Variants in NCAPD2 observed in about 807,000 individuals in gnomAD.
NCAPD2 encodes the protein condensin complex subunit 1.
A neutral mutation model predicts 164.5 loss-of-function variants in NCAPD2; 100 were observed. The observed-to-expected ratio is 0.61, with a 90% CI of 0.52 to 0.72. The LOEUF (loss-of-function observed/expected upper bound fraction) is 0.72, where lower values mean the gene tolerates loss of function less well. Ranked by LOEUF, NCAPD2 falls within the 30% of genes least tolerant of loss-of-function variation. The pLI is 0.00. For synonymous variants in NCAPD2, 585 were observed against 642.6 expected (o/e 0.91, Z 1.36); for missense variants, 1,560 against 1,749.2 (o/e 0.89, Z 1.93).
At position 6,521,120 on chromosome 12, in the gene NCAPD2, T is replaced by C; in HGVS notation, c.1714+10T>C. On this transcript the variant is annotated intron_variant, in intron 14 of 31. Transcript: ENST00000315579. ...GGACTTATCTTCAAAGGTAATCATT[T>C]TCCTTCTTCAGTCAATAAATAACAC... 1 of 1,613,106 alleles carries C rather than the reference T, an allele frequency of 6.2e-7. No homozygotes were observed. The highest frequency in any genetic ancestry group is 1.7e-4 in the Middle Eastern group (1 of 6,040).
intron 2 of NCAPD2, among the ~76,000 whole-genome samples, chr12:6,495,663 C>T (rs1945973353): frequency 6.6e-6 from 1 of 152,178 alleles, no homozygotes; most frequent in African/African-American, 2.4e-5. Context: ...ACCACTGCAA[C>T]ACTGAGCAAT....
intron 5 of NCAPD2, 40 bp downstream of exon 5, chr12:6,510,850 G>A: frequency 1.3e-6 from 2 of 1,587,648 alleles, no homozygotes; most frequent in Non-Finnish European, 1.7e-6. Context: ...TGGGGTCTGG[G>A]GAGATAGGGG....
intron 2 of NCAPD2, among the ~76,000 whole-genome samples, chr12:6,502,212 C>CA (rs778323846): frequency 0.013 from 1,912 of 143,304 alleles, 16 homozygotes; most frequent in South Asian, 0.021. Context: ...TCCACAGTAG[C>CA]AAAAAAAAAA....
chr12:6,531,736 G>A lies in NCAPD2; in HGVS notation c.*324G>A, dbSNP rs1428566546. 2 of 352,718 alleles carry A rather than the reference G, an allele frequency of 5.7e-6. No homozygotes were observed. The highest frequency in any genetic ancestry group is 1.1e-5 in the Non-Finnish European group (2 of 186,614). The allele number at this position is 352,718 out of a possible 1,614,324, so 21.8% of individuals were successfully genotyped here. A position where few individuals can be genotyped will look rare whatever the true frequency, so the allele number is the denominator to read the frequency against. On this transcript the variant is annotated 3_prime_UTR_variant, in exon 32 of 32. Coordinates refer to ENST00000315579, the MANE Select transcript of NCAPD2 (RefSeq NM_014865.4). The surrounding 1 kb of genome is among the most constrained non-coding windows in gnomAD (Gnocchi z 4.1). ...AGGAGAATCGCCTGAACCCAGAGGC[G>A]GAGGTTGTAGTGAGCCGAAATCACA...
chr12:6,494,832 C>G (rs1011886128), intron 1 of NCAPD2, among the ~76,000 whole-genome samples: 1 of 152,222 alleles, frequency 6.6e-6, no homozygotes, highest in African/African-American at 2.4e-5. Context: ...GCCAAAGTCA[C>G]TACTAGAATT....
intron 2 of NCAPD2, among the ~76,000 whole-genome samples, chr12:6,508,798 C>A (rs1346801088): frequency 1.3e-5 from 2 of 152,184 alleles, no homozygotes; most frequent in Non-Finnish European, 2.9e-5. Flanking sequence ...AAGTTAACAT[C>A]AGCAGTAATA....
intron 6 of NCAPD2, among the ~76,000 whole-genome samples, chr12:6,513,314 G>A (rs1044213417): frequency 1.4e-4 from 22 of 152,332 alleles, no homozygotes; most frequent in African/African-American, 5.3e-4. Context: ...GCTGAGGCAG[G>A]AGGATCACTT....
intron 2 of NCAPD2, among the ~76,000 whole-genome samples, chr12:6,509,348 A>G (rs913594931): frequency 5.9e-5 from 9 of 152,052 alleles, no homozygotes; most frequent in Non-Finnish European, 2.9e-5. Flanking sequence ...TGCAACCTCC[A>G]CCTCTTGGGT....
chr12:6,519,626 C>T (rs901480816), intron 13 of NCAPD2, among the ~76,000 whole-genome samples: 3 of 152,002 alleles, frequency 2.0e-5, no homozygotes, highest in Admixed American at 1.3e-4. Flanking sequence ...TTTTTTTCCC[C>T]CTTTTATATG....
chr12:6,517,108 T>G (rs913286142), intron 10 of NCAPD2, 83 bp downstream of exon 10: 4 of 1,491,240 alleles, frequency 2.7e-6, no homozygotes, highest in Non-Finnish European at 3.7e-6. Context: ...AAGATAAATA[T>G]CTGCCCCAAA....
intron 5 of NCAPD2, 27 bp from the exon 6 acceptor site, chr12:6,511,083 C>T: frequency 1.2e-6 from 2 of 1,604,632 alleles, no homozygotes; most frequent in East Asian, 2.2e-5. Flanking sequence ...CTTATTTTTT[C>T]CTCAATGTAT....
At position 6,525,680 on chromosome 12, in the gene NCAPD2, G is replaced by A. The variant is rs1310900245; in HGVS notation, c.2312G>A (p.Arg771His). The A allele has an allele frequency of 8.7e-6, 14 of 1,613,720 alleles. No individual in the cohort carries two copies. The highest frequency in any genetic ancestry group is 2.7e-5 in the African/African-American group (2 of 74,990). The change falls in exon 18 of 32, where the codon CGC becomes CAC. Residue 771 changes from arginine (R) to histidine (H), a missense_variant. Transcript: ENST00000315579. The part of the protein sequence containing the change: ...TEKVACCPLE[R>H]CSSVMLLGMM... Reference sequence around the variant, plus strand: ...AAGGTCGCCTGCTGTCCTCTGGAGCGCTGTTCCTCTGTCATGCTTCTTGGC... The same window carrying A: ...AAGGTCGCCTGCTGTCCTCTGGAGCACTGTTCCTCTGTCATGCTTCTTGGC...
In NCAPD2 at chr12:6,531,070, G is replaced by A. The variant is rs1014299559; in HGVS notation, c.4114G>A (p.Glu1372Lys). The change falls in exon 31 of 32, where the codon GAG becomes AAG. Residue 1372 changes from glutamate (E) to lysine (K), a missense_variant. Coordinates refer to ENST00000315579, the MANE Select transcript of NCAPD2 (RefSeq NM_014865.4). This position sits in a 1 kb window ranked among gnomAD's most constrained non-coding sequence, Gnocchi z 4.1. ...KVVFSSDESS[E>K]EDLSAEMTED... Reference sequence around the variant, plus strand: ...TGTCTTCTCAAGTGATGAGTCCAGTGAGGAAGGTATGATGCTCCCGCCTGT... The same window carrying A: ...TGTCTTCTCAAGTGATGAGTCCAGTAAGGAAGGTATGATGCTCCCGCCTGT... 4 of 1,613,346 alleles carry A rather than the reference G, an allele frequency of 2.5e-6. No homozygotes were observed. The African/African-American group carries it at 4.0e-5, about 16-fold the overall frequency.
rs768670597 is a variant in NCAPD2 at position 6,521,828 on chromosome 12, C to G, written c.1745C>G (p.Pro582Arg). The change falls in exon 15 of 32, where the codon CCC becomes CGC. Residue 582 changes from proline to arginine, a missense_variant. Pro to Arg is a moderately radical substitution (Grantham distance 103). Transcript: ENST00000315579. The part of the protein sequence containing the change: ...GPAASTQEKN[P>R]RESTGNMVTG... Reference sequence around the variant, plus strand: ...GCAGCTTCCACACAAGAAAAGAATCCCCGGGAGTCTACAGGAAACATGGTC... The same window carrying G: ...GCAGCTTCCACACAAGAAAAGAATCGCCGGGAGTCTACAGGAAACATGGTC... 3 of 1,613,918 alleles carry G rather than the reference C, an allele frequency of 1.9e-6. No homozygotes were observed. Among genetic ancestry groups the G allele is most frequent in the Non-Finnish European group, 2.5e-6 (3 of 1,179,952 alleles).
intron 4 of NCAPD2, 104 bp downstream of exon 4, chr12:6,510,237 C>A: frequency 1.6e-6 from 2 of 1,221,222 alleles, no homozygotes; most frequent in Non-Finnish European, 2.4e-6. Context: ...ATGATGATAT[C>A]AAGGCTGTTG....
chr12:6,508,772 C>T (rs1248500880), intron 2 of NCAPD2, among the ~76,000 whole-genome samples: 1 of 152,306 alleles, frequency 6.6e-6, no homozygotes, highest in East Asian at 1.9e-4. Context: ...ATGTGGCAGA[C>T]ACTACGAAGT....
Position 6,526,137 on chromosome 12 carries a change from A to C in NCAPD2, c.2418A>C (p.Pro806=). ...GCATAGGGCTGGATGAGAAGTTTCC[A>C]CAGGACTACAGGCTGGCCCAGCAGG... ...LVSIGLDEKF[P]QDYRLAQQVC... is the part of the protein sequence containing the mutation. The change falls in exon 19 of 32, where the codon CCA becomes CCC. Residue 806 remains proline, a synonymous_variant. Coordinates refer to ENST00000315579, the MANE Select transcript of NCAPD2 (RefSeq NM_014865.4). 6.2e-7 allele frequency: 1 copy of C among 1,614,190 alleles called. No homozygotes were observed. Among genetic ancestry groups the C allele is most frequent in the Non-Finnish European group, 8.5e-7 (1 of 1,180,050 alleles).
chr12:6,531,168 G>A lies in NCAPD2; in HGVS notation c.4120+92G>A. The A allele has an allele frequency of 4.5e-6, 7 of 1,544,920 alleles. No individual in the cohort carries two copies. Among genetic ancestry groups the A allele is most frequent in the Non-Finnish European group, 4.4e-6 (5 of 1,129,066 alleles). On this transcript the variant is annotated intron_variant, in intron 31 of 31. Transcript: ENST00000315579. The surrounding 1 kb of genome is among the most constrained non-coding windows in gnomAD (Gnocchi z 4.1). ...TAGGACCTGCTGCGGGGGCCTGAGT[G>A]TAGATGCTCTGCCCCACTGCCGCAG...
At chr12:6,504,113 A>G (rs147473488) in intron 2 of NCAPD2, among the ~76,000 whole-genome samples, 10 of 150,754 alleles carry the variant, frequency 6.6e-5, no homozygotes, top group African/African-American at 2.4e-4. Flanking sequence ...TTCAAACCAT[A>G]CAGCGTGCTA....
Sources: allele counts gnomAD v4.1 joint callset (sites outside exome capture counted in the v4.1 genomes callset), GRCh38; gene constraint gnomAD v4.1.1; non-coding constraint Gnocchi (gnomAD v3.1); transcripts MANE v1.5; gene names NCBI Gene and HGNC (gene_info 2026-07-23, HGNC 2026-07-21).